Variants in AUTS2 observed in about 807,000 individuals in gnomAD.
The protein encoded by AUTS2 is activator of transcription and developmental regulator AUTS2.
A neutral mutation model predicts 112.4 loss-of-function variants in AUTS2; 17 were observed. The observed-to-expected ratio is 0.15, with a 90% CI of 0.10 to 0.23. AUTS2 has a LOEUF of 0.23. Ranked by LOEUF, AUTS2 falls within the 10% of genes least tolerant of loss-of-function variation. AUTS2 has a pLI of 1.00. For synonymous variants in AUTS2, 751 were observed against 702.7 expected, an observed-to-expected ratio of 1.07 and a Z score of -1.09; for missense variants, 1,510 against 1,701.6, an observed-to-expected ratio of 0.89 and a Z score of 1.98.
intron 4 of AUTS2, among the ~76,000 whole-genome samples, chr7:70,138,112 G>A (rs1484841096): frequency 6.6e-6 from 1 of 152,222 alleles, no homozygotes; most frequent in African/African-American, 2.4e-5. Flanking sequence ...AGCATTTGAA[G>A]TACTTGGAGC....
chr7:70,018,610 C>T (rs564730679), intron 2 of AUTS2, among the ~76,000 whole-genome samples: 25 of 152,080 alleles, frequency 1.6e-4, no homozygotes, highest in Admixed American at 3.3e-4. Context: ...TTTCACAATC[C>T]GATTCCTTAT....
chr7:70,426,522 G>A (rs768560648), intron 4 of AUTS2, among the ~76,000 whole-genome samples: 1 of 151,972 alleles, frequency 6.6e-6, no homozygotes, highest in Non-Finnish European at 1.5e-5. Flanking sequence ...CTTTCCCTCC[G>A]CTCACTTTCT....
At chr7:70,501,666 C>T (rs1210230283) in intron 5 of AUTS2, among the ~76,000 whole-genome samples, 1 of 152,066 alleles carries the variant, frequency 6.6e-6, no homozygotes, top group Admixed American at 6.6e-5. Context: ...ATGAGACATG[C>T]AGACATGCTC....
intron 1 of AUTS2, among the ~76,000 whole-genome samples, chr7:69,720,515 T>A (rs766548394): frequency 9.2e-5 from 14 of 152,212 alleles, no homozygotes; most frequent in Non-Finnish European, 1.8e-4. Context: ...AATGCTATTA[T>A]GAATCATTTT....
intron 1 of AUTS2, among the ~76,000 whole-genome samples, chr7:69,871,467 T>A (rs1480100323): frequency 6.6e-6 from 1 of 152,176 alleles, no homozygotes; most frequent in East Asian, 1.9e-4. Context: ...CTATGCTTTT[T>A]CCTATACGTA....
chr7:70,514,337 A>C (rs1467391581), intron 5 of AUTS2, among the ~76,000 whole-genome samples: 1 of 152,234 alleles, frequency 6.6e-6, no homozygotes, highest in Non-Finnish European at 1.5e-5. Flanking sequence ...TACTATCTAA[A>C]GAAAAGAGGT....
chr7:70,080,586 T>C (rs986957758), intron 2 of AUTS2, among the ~76,000 whole-genome samples: 2 of 152,240 alleles, frequency 1.3e-5, no homozygotes, highest in Non-Finnish European at 2.9e-5. Flanking sequence ...CAGTAAATTT[T>C]ATAATAAATA....
intron 12 of AUTS2, 39 bp downstream of exon 12, chr7:70,774,138 GGT>G: frequency 1.9e-6 from 3 of 1,600,070 alleles, no homozygotes; most frequent in South Asian, 2.2e-5. Flanking sequence ...GTAACACCAG[GGT>G]GTGTGTGTTT....
intron 5 of AUTS2, among the ~76,000 whole-genome samples, chr7:70,459,506 C>T (rs920246234): frequency 1.3e-5 from 2 of 152,164 alleles, no homozygotes; most frequent in Admixed American, 6.5e-5. Flanking sequence ...GTCCAGGGTC[C>T]GTGTGAGCCC....
At chr7:69,921,784 G>T (rs763466375) in intron 2 of AUTS2, among the ~76,000 whole-genome samples, 257 of 132,546 alleles carry the variant, frequency 1.9e-3, no homozygotes, top group Admixed American at 3.9e-3. Context: ...AAAAAAAAAA[G>T]GCCGGGCATG....
intron 5 of AUTS2, among the ~76,000 whole-genome samples, chr7:70,528,304 C>A (rs1799941694): frequency 1.3e-5 from 2 of 151,348 alleles, no homozygotes; most frequent in African/African-American, 4.8e-5. Context: ...AAAAAAAAAC[C>A]CAGGTAATGG....
At chr7:70,724,443 C>CTTTTTTTTTTTTTTTTTTTT (rs71077675) in intron 6 of AUTS2, among the ~76,000 whole-genome samples, 5 of 101,384 alleles carry the variant, frequency 4.9e-5, no homozygotes, top group East Asian at 4.0e-4. Context: ...TTCATCCTGA[C>CTTTTTTTTTTTTTTTTTTTT]TTTTTTTTTT....
chr7:70,111,140 A>C (rs1010766458), intron 2 of AUTS2, among the ~76,000 whole-genome samples: 5 of 151,864 alleles, frequency 3.3e-5, no homozygotes, highest in Non-Finnish European at 7.4e-5. Flanking sequence ...CGGCCTCCCA[A>C]AGTACTGGGA....
intron 4 of AUTS2, among the ~76,000 whole-genome samples, chr7:70,273,602 G>C (rs1787794183): frequency 6.6e-6 from 1 of 151,956 alleles, no homozygotes; most frequent in Non-Finnish European, 1.5e-5. Flanking sequence ...ATCAAGTATA[G>C]TCACTTAATT....
intron 6 of AUTS2, among the ~76,000 whole-genome samples, chr7:70,724,444 T>TC (rs1491398748): frequency 1.8e-5 from 1 of 56,024 alleles, no homozygotes; most frequent in African/African-American, 6.8e-5. Context: ...TCATCCTGAC[T>TC]TTTTTTTTTT....
chr7:70,476,707 A>G (rs772364339), intron 5 of AUTS2, among the ~76,000 whole-genome samples: 72 of 152,344 alleles, frequency 4.7e-4, no homozygotes, highest in Non-Finnish European at 6.9e-4. Context: ...TACAAGCTCT[A>G]TAGCCTTCAG....
In AUTS2 at chr7:69,711,612, A is replaced by G. The variant is rs150724343; in HGVS notation, c.309+111650A>G. Among the ~76,000 whole-genome samples the G allele has an allele frequency of 3.2e-4, 48 of 152,268 alleles. No homozygotes were observed. In the East Asian group the frequency reaches 3.7e-3, roughly 12 times the overall value. On this transcript the variant is annotated intron_variant, in intron 1 of 18. Coordinates refer to ENST00000342771, the MANE Select transcript of AUTS2 (RefSeq NM_015570.4). The stretch of plus-strand genomic sequence containing the variant: ...ACATTTGCTTGTTTCCTTTAAATCA[A>G]TTTATACAAGCACTTCCTATGCTTC...
chr7:69,909,533 G>A (rs895938082), intron 2 of AUTS2, among the ~76,000 whole-genome samples: 6 of 152,104 alleles, frequency 3.9e-5, no homozygotes, highest in Non-Finnish European at 7.3e-5. Flanking sequence ...TTGGTACTGG[G>A]GGTCAAGTGT....
intron 5 of AUTS2, among the ~76,000 whole-genome samples, chr7:70,553,924 C>T (rs1284367173): frequency 1.3e-5 from 2 of 150,820 alleles, no homozygotes; most frequent in Middle Eastern, 3.2e-3. Flanking sequence ...CGCGCCACCA[C>T]ACCCAACTCA....
Sources: gnomAD v4.1 joint callset for allele counts (sites outside exome capture counted in the v4.1 genomes callset) on GRCh38, gnomAD v4.1.1 for gene constraint, MANE v1.5 for transcripts, NCBI Gene and HGNC (gene_info 2026-07-23, HGNC 2026-07-21) for gene names.